The following DLG2 variants were observed in gnomAD, a reference collection of about 807,000 sequenced individuals.
DLG2 encodes disks large homolog 2.
In DLG2, 45 loss-of-function variants were observed where a neutral mutation model predicts 132.5. The ratio of observed to expected loss-of-function variants is 0.34; its 90% CI spans 0.27 to 0.44. The LOEUF (loss-of-function observed/expected upper bound fraction) is 0.44, where lower values mean the gene tolerates loss of function less well. Among genes scored for constraint, DLG2 ranks in the 20% least tolerant of loss-of-function variants. The pLI is 1.00. For missense variants in DLG2, 1,045 were observed against 1,196.9 expected (o/e 0.87, Z 1.87); for synonymous variants, 424 against 419.6 (o/e 1.01, Z -0.13).
chr11:85,584,476 C>T (rs1409994666), intron 3 of DLG2, among the ~76,000 whole-genome samples: 1 of 151,874 alleles, frequency 6.6e-6, no homozygotes, highest in East Asian at 1.9e-4. Context: ...CATGCATGTG[C>T]AAGTGTCTTT....
At position 84,215,593 on chromosome 11, in the gene DLG2, T is replaced by C. The variant is rs2096825593; in HGVS notation, c.573+35645A>G. Among the ~76,000 whole-genome samples the C allele has an allele frequency of 2.0e-5, 3 of 152,084 alleles. No individual in the cohort carries two copies. The South Asian group carries it at 6.2e-4, about 32-fold the overall frequency. On this transcript the variant is annotated intron_variant, in intron 8 of 27. Coordinates refer to ENST00000376104, the MANE Select transcript of DLG2 (RefSeq NM_001142699.3). ...GCCTAACTTCAAAGGAGCTAGGAAA[T>C]GTAGTGTCCCATCTACATGCTCATG...
chr11:83,466,006 T>C (rs531795794), intron 26 of DLG2, among the ~76,000 whole-genome samples: 15 of 152,294 alleles, frequency 9.8e-5, no homozygotes, highest in African/African-American at 3.1e-4. Context: ...CTTTGTTTAA[T>C]GATTCTTGAA....
intron 4 of DLG2, among the ~76,000 whole-genome samples, chr11:85,251,540 C>G (rs1157072256): frequency 6.6e-6 from 1 of 151,996 alleles, no homozygotes; most frequent in African/African-American, 2.4e-5. Flanking sequence ...TTAAAACACC[C>G]TAAAATTTCA....
At chr11:85,426,294 C>T (rs969831042) in intron 3 of DLG2, among the ~76,000 whole-genome samples, 12 of 152,184 alleles carry the variant, frequency 7.9e-5, no homozygotes, top group Non-Finnish European at 1.3e-4. Flanking sequence ...TCTCCCAGCA[C>T]GCAGTTGGAC....
At chr11:85,113,947 C>A (rs953123093) in intron 5 of DLG2, among the ~76,000 whole-genome samples, 1 of 151,770 alleles carries the variant, frequency 6.6e-6, no homozygotes, top group African/African-American at 2.4e-5. Flanking sequence ...TGGTTATTTC[C>A]CTGTGAGTTT....
At chr11:84,104,803 T>A (rs1413200395) in intron 9 of DLG2, among the ~76,000 whole-genome samples, 2 of 152,094 alleles carry the variant, frequency 1.3e-5, no homozygotes, top group Non-Finnish European at 2.9e-5. Context: ...AAGCCCCTAG[T>A]AAAATACTAA....
intron 6 of DLG2, among the ~76,000 whole-genome samples, chr11:84,924,197 A>G (rs929821237): frequency 1.3e-5 from 2 of 152,198 alleles, no homozygotes; most frequent in Admixed American, 1.3e-4. Flanking sequence ...TTACTTAATC[A>G]AAAGGACAAA....
In DLG2 at chr11:85,598,608, A is replaced by C. The variant is rs767717415; in HGVS notation, c.40+49T>G. The C allele has an allele frequency of 7.2e-6, 10 of 1,398,138 alleles. No individual in the cohort carries two copies. The South Asian group carries it at 1.7e-4, about 23-fold the overall frequency. 86.6% of individuals were successfully genotyped at this position (1,398,138 alleles called of 1,614,324 possible). A position where few individuals can be genotyped will look rare whatever the true frequency, so the allele number is the denominator to read the frequency against. ...CTTTGACCACATTATTCAAACTATC[A>C]AGCCCAATTCTGACCATTAAAATGA... On this transcript the variant is annotated intron_variant, in intron 3 of 27. Transcript: ENST00000376104.
chr11:84,576,589 T>C (rs957296682), intron 6 of DLG2, among the ~76,000 whole-genome samples: 1 of 152,160 alleles, frequency 6.6e-6, no homozygotes. Flanking sequence ...AAGGTCCTGT[T>C]AACACCAAAA....
At chr11:84,954,230 C>T (rs1039039487) in intron 6 of DLG2, among the ~76,000 whole-genome samples, 1 of 151,896 alleles carries the variant, frequency 6.6e-6, no homozygotes, top group African/African-American at 2.4e-5. Flanking sequence ...CCTCTTTCTA[C>T]TGTCTAGGTG....
intron 3 of DLG2, among the ~76,000 whole-genome samples, chr11:85,380,966 AC>A (rs1167135480): frequency 2.0e-5 from 3 of 152,248 alleles, no homozygotes; most frequent in African/African-American, 7.2e-5. Context: ...GCTAAGAGTT[AC>A]AGAAAAATCA....
In DLG2 at chr11:85,410,227, C is replaced by G. The variant is rs1597071345; in HGVS notation, c.41-124862G>C. Among the ~76,000 whole-genome samples the G allele has an allele frequency of 2.6e-5, 4 of 151,908 alleles. No individual in the cohort carries two copies. The East Asian group carries it at 7.8e-4, about 29-fold the overall frequency. On this transcript the variant is annotated intron_variant, in intron 3 of 27. Transcript: ENST00000376104. ...TCTCCCATTATGAGAATCAGCACCT[C>G]ATTTTTTATATTACAGATACACTGC... is the stretch of plus-strand genomic sequence containing the variant.
In DLG2 at chr11:83,459,307, A is replaced by G. The variant is rs926347514; in HGVS notation, c.*511T>C. On this transcript the variant is annotated 3_prime_UTR_variant, in exon 28 of 28. Transcript: ENST00000376104. ...TACACACTTATCCTTCCCTGATAGT[A>G]TGTCATCTCCAAAGGGATTCCTTTC... 2 of 152,840 alleles carry G rather than the reference A, an allele frequency of 1.3e-5. No homozygotes were observed. The highest frequency in any genetic ancestry group is 2.4e-5 in the African/African-American group (1 of 41,448). The allele number at this position is 152,840 out of a possible 1,614,324, so 9.5% of individuals were successfully genotyped here.
At chr11:84,574,986 C>T (rs2099495843) in intron 6 of DLG2, among the ~76,000 whole-genome samples, 1 of 152,140 alleles carries the variant, frequency 6.6e-6, no homozygotes, top group African/African-American at 2.4e-5. Context: ...CTCACAATGA[C>T]TCTGTCTATA....
At chr11:83,627,372 C>T (rs935943683) in intron 19 of DLG2, among the ~76,000 whole-genome samples, 1 of 151,830 alleles carries the variant, frequency 6.6e-6, no homozygotes, top group African/African-American at 2.4e-5. Flanking sequence ...CCCCACCCCA[C>T]CCCACAACAG....
intron 7 of DLG2, among the ~76,000 whole-genome samples, chr11:84,298,011 G>A (rs2098113294): frequency 6.6e-6 from 1 of 151,998 alleles, no homozygotes; most frequent in Non-Finnish European, 1.5e-5. Context: ...ATCTAAAGAA[G>A]CACCTCTCCA....
chr11:84,607,011 TCCATATCC>T, intron 6 of DLG2, among the ~76,000 whole-genome samples: 1 of 152,228 alleles, frequency 6.6e-6, no homozygotes. Flanking sequence ...TAATTCTTTC[TCCATATCC>T]AGGATCCAAG....
intron 2 of DLG2, among the ~76,000 whole-genome samples, chr11:85,609,235 C>T (rs748542858): frequency 1.2e-4 from 18 of 152,278 alleles, no homozygotes; most frequent in South Asian, 8.3e-4. Context: ...CAACTCACTA[C>T]GGGGTCAATT....
chr11:84,584,143 C>G (rs2154529536), intron 6 of DLG2, among the ~76,000 whole-genome samples: 1 of 152,098 alleles, frequency 6.6e-6, no homozygotes, highest in East Asian at 1.9e-4. Flanking sequence ...TTATACCCAC[C>G]AGTAGTATAG....
Sources: gnomAD v4.1 joint callset for allele counts (sites outside exome capture counted in the v4.1 genomes callset) on GRCh38, gnomAD v4.1.1 for gene constraint, MANE v1.5 for transcripts, NCBI Gene and HGNC (gene_info 2026-07-23, HGNC 2026-07-21) for gene names.